The following AVL9 variants were observed in gnomAD, a reference collection of about 807,000 sequenced individuals.
The protein encoded by AVL9 is late secretory pathway protein AVL9 homolog.
Under a neutral mutation model 79.2 loss-of-function variants are expected in AVL9, and 49 were observed. That is an observed-to-expected ratio of 0.62 (90% confidence interval 0.49 to 0.79). The LOEUF is 0.79. Among genes scored for constraint, AVL9 ranks in the 30% least tolerant of loss-of-function variants. The probability of loss-of-function intolerance (pLI) is 0.00; values close to 1 mark genes in which losing one functional copy is unlikely to be tolerated. For missense variants in AVL9, 682 were observed against 776.8 expected (o/e 0.88, Z 1.45); for synonymous variants, 299 against 280.6 (o/e 1.07, Z -0.65).
intron 8 of AVL9, 41 bp downstream of exon 8, chr7:32,554,637 C>T (rs771831547): frequency 7.3e-6 from 9 of 1,235,602 alleles, no homozygotes; most frequent in East Asian, 2.9e-5. Flanking sequence ...GAGTATTTAA[C>T]TTTTATTCAC....
At chr7:32,537,162 A>G (rs1788950253) in intron 1 of AVL9, 1 of 152,148 alleles carries the variant, frequency 6.6e-6, no homozygotes, top group Non-Finnish European at 1.5e-5. Context: ...AGCCTCTGTC[A>G]TGAAGCTATC....
At position 32,586,821 on chromosome 7, in the gene AVL9, A is replaced by G. The variant is rs1791813564; in HGVS notation, c.*2914A>G. ...TCCCTGGTATACTTCAATTCCTACT[A>G]GACATTGTAATGACAATGGTGTAGG... On this transcript the variant is annotated 3_prime_UTR_variant, in exon 16 of 16. Transcript: ENST00000318709. 1 of 152,190 alleles carries G rather than the reference A, an allele frequency of 6.6e-6. No homozygotes were observed. Among genetic ancestry groups the G allele is most frequent in the Non-Finnish European group, 1.5e-5 (1 of 68,052 alleles). The allele number at this position is 152,190 out of a possible 1,614,324, so 9.4% of individuals were successfully genotyped here. A position where few individuals can be genotyped will look rare whatever the true frequency, so the allele number is the denominator to read the frequency against.
rs1446596426 is a variant in AVL9, at chr7:32,579,389, T to A, written c.1689-830T>A. Among the ~76,000 whole-genome samples the A allele has an allele frequency of 2.3e-3, 15 of 6,396 alleles. 2 individuals carry two copies. The East Asian group carries it at 0.029, about 13-fold the overall frequency. 4.2% of individuals were successfully genotyped at this position (6,396 alleles called of 152,430 possible). On this transcript the variant is annotated intron_variant, in intron 13 of 15. Coordinates refer to ENST00000318709, the MANE Select transcript of AVL9 (RefSeq NM_015060.3). The stretch of plus-strand genomic sequence containing the variant: ...TATATAATATATGTTATATAACATA[T>A]TATATGTTATATATTATATATAATA...
chr7:32,588,242 T>G lies in AVL9; in HGVS notation c.*4335T>G, dbSNP rs551399095. 6.6e-6 allele frequency: 1 copy of G among 152,230 alleles called. No homozygotes were observed. Among genetic ancestry groups the G allele is most frequent in the African/African-American group, 2.4e-5 (1 of 41,448 alleles). The allele number at this position is 152,230 out of a possible 1,614,324, so 9.4% of individuals were successfully genotyped here. ...TTAGGTACTGAGCCAGAAAAGGTAATTGAAGTTTTCAGAAAGCTTCTGTGC... is the reference window on the plus strand; with the variant it reads ...TTAGGTACTGAGCCAGAAAAGGTAAGTGAAGTTTTCAGAAAGCTTCTGTGC... On this transcript the variant is annotated 3_prime_UTR_variant, in exon 16 of 16. Coordinates refer to ENST00000318709, the MANE Select transcript of AVL9 (RefSeq NM_015060.3).
In AVL9 at chr7:32,587,605, T is replaced by G. The variant is rs1374615018; in HGVS notation, c.*3698T>G. 4 of 152,192 alleles carry G rather than the reference T, an allele frequency of 2.6e-5. No homozygotes were observed. The highest frequency in any genetic ancestry group is 4.8e-5 in the African/African-American group (2 of 41,436). 9.4% of individuals were successfully genotyped at this position (152,192 alleles called of 1,614,324 possible). A position where few individuals can be genotyped will look rare whatever the true frequency, so the allele number is the denominator to read the frequency against. ...ATTTTAGTGGGGAGAAGGCTGGGAC[T>G]CTTCATGGCATCAACACTTGCATGC... On this transcript the variant is annotated 3_prime_UTR_variant, in exon 16 of 16. Transcript: ENST00000318709.
intron 1 of AVL9, among the ~76,000 whole-genome samples, chr7:32,520,656 C>T (rs1788101343): frequency 6.6e-6 from 1 of 152,126 alleles, no homozygotes; most frequent in Non-Finnish European, 1.5e-5. Flanking sequence ...GGGATATTCT[C>T]CCACTGAATA....
At chr7:32,562,023 A>C (rs1210233827) in intron 10 of AVL9, among the ~76,000 whole-genome samples, 1 of 152,192 alleles carries the variant, frequency 6.6e-6, no homozygotes, top group Non-Finnish European at 1.5e-5. Context: ...GTGTCACTCA[A>C]AACAATTACA....
chr7:32,500,374 G>A (rs752820759), intron 1 of AVL9, among the ~76,000 whole-genome samples: 29 of 151,868 alleles, frequency 1.9e-4, no homozygotes, highest in Non-Finnish European at 8.8e-5. Flanking sequence ...TTTATTGGCT[G>A]CACAGATATC....
intron 1 of AVL9, among the ~76,000 whole-genome samples, chr7:32,502,634 G>A (rs1787193735): frequency 6.6e-6 from 1 of 151,988 alleles, no homozygotes; most frequent in South Asian, 2.1e-4. Flanking sequence ...CATCCTTGTG[G>A]CTTTTTGCAC....
At chr7:32,503,747 A>T (rs1302924979) in intron 1 of AVL9, among the ~76,000 whole-genome samples, 2 of 151,256 alleles carry the variant, frequency 1.3e-5, no homozygotes, top group Admixed American at 1.3e-4. Context: ...CAGTAAAATG[A>T]TCTTCGTTCA....
chr7:32,558,766 G>T, intron 9 of AVL9, 138 bp downstream of exon 9: 2 of 977,118 alleles, frequency 2.0e-6, no homozygotes, highest in South Asian at 2.0e-5. Flanking sequence ...TTGGAAATAG[G>T]TTTCTCTCTT....
chr7:32,579,535 ATTATATATTATATATT>A (rs1791357336), intron 13 of AVL9, among the ~76,000 whole-genome samples: 1 of 5,408 alleles, frequency 1.8e-4, no homozygotes, highest in Non-Finnish European at 3.0e-4. Flanking sequence ...TATATATTAT[ATTATATATTATATATT>A]ATATATTATA....
chr7:32,532,521 A>G (rs1298439858), intron 1 of AVL9: 3 of 149,450 alleles, frequency 2.0e-5, no homozygotes, highest in Non-Finnish European at 4.5e-5. Flanking sequence ...TAGAGTCCTG[A>G]TATTCTGTTT....
intron 2 of AVL9, among the ~76,000 whole-genome samples, chr7:32,543,592 T>C (rs1247892545): frequency 6.6e-6 from 1 of 152,200 alleles, no homozygotes; most frequent in African/African-American, 2.4e-5. Context: ...AGCTGTACAT[T>C]GCTTGGGACT....
chr7:32,548,869 A>G lies in AVL9; in HGVS notation c.323A>G (p.Asp108Gly). 4 of 1,578,702 alleles carry G rather than the reference A, an allele frequency of 2.5e-6. No homozygotes were observed. Among genetic ancestry groups the G allele is most frequent in the Non-Finnish European group, 3.4e-6 (4 of 1,164,458 alleles). The change falls in exon 4 of 16, where the codon GAT (aspartate) becomes GGT (glycine). Residue 108 changes from aspartate to glycine, a missense_variant. By Grantham distance (94) the Asp-to-Gly change is moderately conservative. Coordinates refer to ENST00000318709, the MANE Select transcript of AVL9 (RefSeq NM_015060.3). ...EAKALKVRQADITRETVQKSV... is the reference protein window; with the variant it reads ...EAKALKVRQAGITRETVQKSV... ...TAGGCACTGAAAGTAAGGCAAGCAG[A>G]TATCACCAGAGAGACTGTTCAGAAA...
At chr7:32,570,841 G>A (rs1483421020) in intron 11 of AVL9, among the ~76,000 whole-genome samples, 5 of 147,558 alleles carry the variant, frequency 3.4e-5, no homozygotes, top group Middle Eastern at 3.3e-3. Flanking sequence ...GGCTGGTCTC[G>A]AACTCCTGAC....
chr7:32,553,823 T>C (rs1389835465), intron 7 of AVL9, 56 bp downstream of exon 7: 3 of 1,256,310 alleles, frequency 2.4e-6, no homozygotes, highest in African/African-American at 1.5e-5. Flanking sequence ...TGGCCAACAC[T>C]GTTCTTAGTG....
intron 1 of AVL9, among the ~76,000 whole-genome samples, chr7:32,509,920 G>A (rs1027118271): frequency 6.6e-6 from 1 of 152,218 alleles, no homozygotes; most frequent in Non-Finnish European, 1.5e-5. Context: ...TGAGGATTAA[G>A]GCAAAATACA....
chr7:32,553,787 T>A lies in AVL9; in HGVS notation c.570+20T>A, dbSNP rs1299017629. The A allele has an allele frequency of 6.3e-7, 1 of 1,588,822 alleles. No homozygotes were observed. The highest frequency in any genetic ancestry group is 2.2e-5 in the East Asian group (1 of 44,752). ...CACAAGGTATGGTACCTTATTTAAA[T>A]AAATTTATGATGTACAGTACTAAAA... is the stretch of plus-strand genomic sequence containing the variant. On this transcript the variant is annotated intron_variant, in intron 7 of 15. Coordinates refer to ENST00000318709, the MANE Select transcript of AVL9 (RefSeq NM_015060.3).
Sources: gnomAD v4.1 joint callset for allele counts (sites outside exome capture counted in the v4.1 genomes callset) on GRCh38, gnomAD v4.1.1 for gene constraint, MANE v1.5 for transcripts, NCBI Gene and HGNC (gene_info 2026-07-23, HGNC 2026-07-21) for gene names.